EPHA5: variants seen among roughly 807,000 people sequenced by gnomAD.
EPHA5 encodes the protein EPH receptor A5.
EPHA5 carries 60 observed loss-of-function variants against 105.0 expected under a neutral mutation model. That is an observed-to-expected ratio of 0.57 (90% CI 0.46 to 0.71). The LOEUF (loss-of-function observed/expected upper bound fraction) is 0.71. Among genes scored for constraint, EPHA5 ranks in the 30% least tolerant of loss-of-function variants. EPHA5 has a pLI of 0.00. For synonymous variants in EPHA5, 513 were observed against 449.1 expected (o/e 1.14, Z -1.80); for missense variants, 1,218 against 1,274.7 (o/e 0.96, Z 0.68).
chr4:65,646,770 C>A lies in EPHA5; in HGVS notation c.182-3343G>T, dbSNP rs1216263977. Among the ~76,000 whole-genome samples, 5 of 151,914 alleles carry A rather than the reference C, an allele frequency of 3.3e-5. No individual in the cohort carries two copies. In the South Asian group the frequency reaches 8.4e-4, roughly 25 times the overall value. Reference sequence around the variant, plus strand: ...CATATTTGGGGGCCTTCTTTTTGAACCAAAATAATACTTCAATTTAAGAAA... The same window carrying A: ...CATATTTGGGGGCCTTCTTTTTGAAACAAAATAATACTTCAATTTAAGAAA... On this transcript the variant is annotated intron_variant, in intron 1 of 16. Transcript: ENST00000613740.
At chr4:65,584,427 G>A (rs540726981) in intron 3 of EPHA5, among the ~76,000 whole-genome samples, 1 of 151,886 alleles carries the variant, frequency 6.6e-6, no homozygotes, top group South Asian at 2.1e-4. Flanking sequence ...GCACGAACTT[G>A]ACGATAAAGC....
chr4:65,567,532 AG>A (rs1392934864), intron 3 of EPHA5, among the ~76,000 whole-genome samples: 1 of 151,646 alleles, frequency 6.6e-6, no homozygotes, highest in Non-Finnish European at 1.5e-5. Context: ...TAAATGTTCA[AG>A]TACAAGTTGG....
chr4:65,534,509 T>C (rs1010556361), intron 3 of EPHA5, among the ~76,000 whole-genome samples: 3 of 152,136 alleles, frequency 2.0e-5, no homozygotes, highest in Non-Finnish European at 4.4e-5. Flanking sequence ...TTTCAACTTA[T>C]AAAAGAAAAA....
chr4:65,507,011 A>T (rs79594533), intron 3 of EPHA5, among the ~76,000 whole-genome samples: 6,405 of 152,206 alleles, frequency 0.042, 225 homozygotes, highest in African/African-American at 0.088. Context: ...TCTAACATTT[A>T]AGTCTTTAAT....
At chr4:65,636,631 G>C (rs951632127) in intron 2 of EPHA5, among the ~76,000 whole-genome samples, 2 of 151,962 alleles carry the variant, frequency 1.3e-5, no homozygotes, top group Non-Finnish European at 2.9e-5. Context: ...TTCATAGCAA[G>C]ATAGAATTAG....
In EPHA5 at chr4:65,660,189, G is replaced by A. The variant is rs73822532; in HGVS notation, c.181+9373C>T. Among the ~76,000 whole-genome samples the A allele has an allele frequency of 5.9e-3, 904 of 152,082 alleles. 12 individuals carry two copies. Among genetic ancestry groups the A allele is most frequent in the African/African-American group, 0.021 (866 of 41,502 alleles). On this transcript the variant is annotated intron_variant, in intron 1 of 16. Coordinates refer to ENST00000613740, the MANE Select transcript of EPHA5 (RefSeq NM_001281766.3). The stretch of plus-strand genomic sequence containing the variant: ...TGGCAAAATTTTTTAAAAAAATTCT[G>A]CCCTCTACCAGTCTACCTGAGGGCA...
At chr4:65,538,172 A>G (rs1481159245) in intron 3 of EPHA5, among the ~76,000 whole-genome samples, 2 of 151,842 alleles carry the variant, frequency 1.3e-5, no homozygotes, top group African/African-American at 4.8e-5. Flanking sequence ...AGTAAAATAC[A>G]AGGGAGGTCT....
intron 5 of EPHA5, among the ~76,000 whole-genome samples, chr4:65,465,497 A>AAGAAAG (rs1308982251): frequency 8.4e-6 from 1 of 119,656 alleles, no homozygotes; most frequent in African/African-American, 3.0e-5. Context: ...GAAAGAAAGA[A>AAGAAAG]AGAAAGAAAG....
intron 3 of EPHA5, among the ~76,000 whole-genome samples, chr4:65,521,217 C>T (rs951493180): frequency 4.3e-4 from 65 of 152,070 alleles, no homozygotes; most frequent in Admixed American, 3.9e-3. Context: ...GAGTTCATGT[C>T]CTTTGTAGGG....
At chr4:65,414,593 C>T (rs1723217831) in intron 6 of EPHA5, 150 bp from the exon 7 acceptor site, 1 of 822,038 alleles carries the variant, frequency 1.2e-6, no homozygotes, top group Non-Finnish European at 1.9e-6. Flanking sequence ...CCTACACATC[C>T]TAGGTGTGCT....
At chr4:65,353,902 C>T (rs1423682278) in intron 11 of EPHA5, among the ~76,000 whole-genome samples, 2 of 151,694 alleles carry the variant, frequency 1.3e-5, no homozygotes, top group Non-Finnish European at 2.9e-5. Flanking sequence ...TGAAAGATTT[C>T]CTTAGCAGTC....
rs530737411 is a variant in EPHA5, at chr4:65,584,573, C to A, written c.910+17068G>T. Among the ~76,000 whole-genome samples, 12 of 151,800 alleles carry A rather than the reference C, an allele frequency of 7.9e-5. No homozygotes were observed. In the East Asian group the frequency reaches 2.3e-3, roughly 29 times the overall value. On this transcript the variant is annotated intron_variant, in intron 3 of 16. Transcript: ENST00000613740. Reference sequence around the variant, plus strand: ...AAAATAGTACAGCAAACAAGAGGAACCAGTATGAACAAAAATGGAATACCT... The same window carrying A: ...AAAATAGTACAGCAAACAAGAGGAAACAGTATGAACAAAAATGGAATACCT...
At chr4:65,509,132 C>G (rs1050036816) in intron 3 of EPHA5, among the ~76,000 whole-genome samples, 1 of 152,090 alleles carries the variant, frequency 6.6e-6, no homozygotes, top group Non-Finnish European at 1.5e-5. Context: ...AAGTGTCCTA[C>G]TGGGTCTTAA....
chr4:65,629,573 T>G (rs1180813160), intron 2 of EPHA5, among the ~76,000 whole-genome samples: 1 of 152,216 alleles, frequency 6.6e-6, no homozygotes, highest in Non-Finnish European at 1.5e-5. Flanking sequence ...TCTCCAATTT[T>G]GGGGAATAAA....
At chr4:65,329,526 T>C (rs376457557) in intron 16 of EPHA5, among the ~76,000 whole-genome samples, 2 of 151,480 alleles carry the variant, frequency 1.3e-5, no homozygotes, top group East Asian at 1.9e-4. Flanking sequence ...TTTTTAAATA[T>C]GGCAGTTGGA....
At chr4:65,542,869 T>A (rs1443512861) in intron 3 of EPHA5, among the ~76,000 whole-genome samples, 2 of 151,772 alleles carry the variant, frequency 1.3e-5, no homozygotes, top group African/African-American at 4.8e-5. Context: ...AAAAAGATTA[T>A]CACTATGATC....
At chr4:65,455,964 T>C (rs1490787976) in intron 5 of EPHA5, among the ~76,000 whole-genome samples, 1 of 152,218 alleles carries the variant, frequency 6.6e-6, no homozygotes, top group Non-Finnish European at 1.5e-5. Context: ...CTTTATTAAC[T>C]AAATTTGAAA....
At chr4:65,384,175 C>T (rs73822132) in intron 8 of EPHA5, among the ~76,000 whole-genome samples, 3,330 of 151,892 alleles carry the variant, frequency 0.022, 118 homozygotes, top group African/African-American at 0.074. Flanking sequence ...TGCACTCATA[C>T]CCATGCGCCT....
chr4:65,332,472 T>C (rs973346987), intron 15 of EPHA5, among the ~76,000 whole-genome samples: 56 of 151,904 alleles, frequency 3.7e-4, no homozygotes, highest in African/African-American at 1.3e-3. Context: ...AATAGTATAA[T>C]GGTGGACACA....
Sources: gnomAD v4.1 joint callset for allele counts (sites outside exome capture counted in the v4.1 genomes callset) on GRCh38, gnomAD v4.1.1 for gene constraint, MANE v1.5 for transcripts, NCBI Gene and HGNC (gene_info 2026-07-23, HGNC 2026-07-21) for gene names.